CELF4: variants seen among roughly 807,000 people sequenced by gnomAD.
The protein encoded by CELF4 is CUGBP Elav-like family member 4.
A neutral mutation model predicts 59.9 loss-of-function variants in CELF4; 18 were observed. The ratio of observed to expected loss-of-function variants is 0.30; its 90% CI spans 0.21 to 0.45. The LOEUF is 0.45. CELF4 is among the 20% of genes least tolerant of loss of function. The pLI, the probability that CELF4 is intolerant of heterozygous loss-of-function variation, is 1.00. For missense variants in CELF4, 456 were observed against 689.0 expected (o/e 0.66, Z 3.79); for synonymous variants, 261 against 267.1 (o/e 0.98, Z 0.22).
intron 3 of CELF4, among the ~76,000 whole-genome samples, chr18:37,314,508 G>A (rs994019662): frequency 2.6e-5 from 4 of 152,100 alleles, no homozygotes; most frequent in South Asian, 2.1e-4. Context: ...AAAGATACAC[G>A]GGCATGGGCT....
intron 1 of CELF4, among the ~76,000 whole-genome samples, chr18:37,492,672 T>G (rs2099909938): frequency 6.6e-6 from 1 of 151,786 alleles, no homozygotes; most frequent in Non-Finnish European, 1.5e-5. Context: ...CCACTTCGAG[T>G]ACCCGGCTGG....
At chr18:37,483,280 T>G (rs2099873545) in intron 2 of CELF4, among the ~76,000 whole-genome samples, 1 of 152,264 alleles carries the variant, frequency 6.6e-6, no homozygotes, top group Non-Finnish European at 1.5e-5. Context: ...ATTTTGTGTT[T>G]CATTTGTCTG....
chr18:37,489,329 G>A lies in CELF4; in HGVS notation c.287-3722C>T, dbSNP rs564425425. Among the ~76,000 whole-genome samples the A allele has an allele frequency of 1.9e-4, 29 of 152,374 alleles. 1 individual carries two copies. The highest frequency in any genetic ancestry group is 6.7e-4 in the African/African-American group (28 of 41,592). Reference sequence around the variant, plus strand: ...CCTGGCTGAGGGCAGAGCCCTGGGGGCATGGTGACTGTGGGGAGGGGGCTG... The same window carrying A: ...CCTGGCTGAGGGCAGAGCCCTGGGGACATGGTGACTGTGGGGAGGGGGCTG... On this transcript the variant is annotated intron_variant, in intron 1 of 12. Transcript: ENST00000420428.
rs538953944 is a variant in CELF4, at chr18:37,565,249, G to A, written c.286+107C>T. On this transcript the variant is annotated intron_variant, in intron 1 of 12. Coordinates refer to ENST00000420428, the MANE Select transcript of CELF4 (RefSeq NM_020180.4). ...GCGCCTCCCTCCACCGCGCCCGCCC[G>A]AGGCTTCCTCTCGCTTAGTCCGCCG... 3.1e-5 allele frequency: 41 copies of A among 1,317,790 alleles called. No individual in the cohort carries two copies. The African/African-American group carries it at 4.5e-4, about 14-fold the overall frequency. 81.6% of individuals were successfully genotyped at this position (1,317,790 alleles called of 1,614,324 possible).
At chr18:37,313,098 G>A (rs946105713) in intron 3 of CELF4, among the ~76,000 whole-genome samples, 6 of 152,210 alleles carry the variant, frequency 3.9e-5, no homozygotes, top group Admixed American at 6.5e-5. Flanking sequence ...GTCACTGGAC[G>A]CCTTCTCTCT....
chr18:37,405,457 T>C (rs2099378137), intron 2 of CELF4, among the ~76,000 whole-genome samples: 1 of 152,246 alleles, frequency 6.6e-6, no homozygotes, highest in Non-Finnish European at 1.5e-5. Context: ...ACTTCCTGCC[T>C]CTACCCTTCC....
chr18:37,345,991 T>C (rs963104263), intron 2 of CELF4, among the ~76,000 whole-genome samples: 5 of 152,120 alleles, frequency 3.3e-5, no homozygotes, highest in Non-Finnish European at 5.9e-5. Context: ...GCAGGTTACA[T>C]ATACTTAATT....
At chr18:37,364,498 G>GGGCTCCA (rs1316702989) in intron 2 of CELF4, among the ~76,000 whole-genome samples, 2 of 152,142 alleles carry the variant, frequency 1.3e-5, no homozygotes, top group Non-Finnish European at 2.9e-5. Context: ...TCCAGCACTG[G>GGGCTCCA]GGCTCCAGGC....
intron 2 of CELF4, among the ~76,000 whole-genome samples, chr18:37,433,843 G>T (rs186520671): frequency 6.6e-6 from 1 of 152,366 alleles, no homozygotes; most frequent in African/African-American, 2.4e-5. Context: ...TGGAGCCTGG[G>T]AAGATGGCTT....
Position 37,565,592 on chromosome 18 carries a change from C to A in CELF4, c.50G>T (p.Ser17Ile). 6.2e-7 allele frequency: 1 copy of A among 1,611,158 alleles called. No homozygotes were observed. The highest frequency in any genetic ancestry group is 8.5e-7 in the Non-Finnish European group (1 of 1,178,132). ...TLANGQADNASLSTNGLGSSP... is the reference protein window; with the variant it reads ...TLANGQADNAILSTNGLGSSP... ...GCTGCCGAGCCCGTTGGTACTGAGG[C>A]TTGCGTTGTCAGCCTGTCCGTTTGC... Residue 17 changes from serine to isoleucine, a missense_variant, in exon 1 of 13, where the codon AGC becomes ATC. Physicochemically the swap from Ser to Ile is moderately radical, Grantham distance 142. Transcript: ENST00000420428.
chr18:37,522,355 A>T (rs1723897287), intron 1 of CELF4, among the ~76,000 whole-genome samples: 1 of 152,118 alleles, frequency 6.6e-6, no homozygotes, highest in South Asian at 2.1e-4. Context: ...GACAGGGACC[A>T]TGCATCTCCC....
chr18:37,353,003 G>C (rs543467654), intron 2 of CELF4, among the ~76,000 whole-genome samples: 68 of 152,066 alleles, frequency 4.5e-4, no homozygotes, highest in South Asian at 8.3e-4. Context: ...GGGCAGATCA[G>C]GAAGTCAGGA....
chr18:37,270,908 G>A lies in CELF4; in HGVS notation c.959C>T (p.Thr320Ile). 3 of 1,607,812 alleles carry A rather than the reference G, an allele frequency of 1.9e-6. No homozygotes were observed. Among genetic ancestry groups the A allele is most frequent in the Non-Finnish European group, 2.5e-6 (3 of 1,176,876 alleles). The change falls in exon 8 of 13, where the codon ACC (threonine) becomes ATC (isoleucine). Residue 320 changes from threonine (T) to isoleucine (I), a missense_variant. Transcript: ENST00000420428. ...GGCTGGTGCAGTGATGCCCGGAGGG[G>A]TGCTGCCACCTGGTTCCAGGCATAC... is the stretch of plus-strand genomic sequence containing the variant. Reference protein sequence around the residue: ...APMTPTSGGSTPPGITAPAVP... With the variant: ...APMTPTSGGSIPPGITAPAVP...
chr18:37,511,903 C>T (rs2099944777), intron 1 of CELF4, among the ~76,000 whole-genome samples: 1 of 152,120 alleles, frequency 6.6e-6, no homozygotes, highest in Non-Finnish European at 1.5e-5. Flanking sequence ...ACTGTTACAG[C>T]CCCTCCGACC....
chr18:37,299,258 G>A (rs557089446), intron 3 of CELF4, among the ~76,000 whole-genome samples: 1 of 152,332 alleles, frequency 6.6e-6, no homozygotes, highest in Non-Finnish European at 1.5e-5. Flanking sequence ...GGGGGCTCCA[G>A]AAGGCAAGAC....
intron 3 of CELF4, among the ~76,000 whole-genome samples, chr18:37,308,798 T>C (rs1351963273): frequency 6.6e-6 from 1 of 152,166 alleles, no homozygotes; most frequent in Non-Finnish European, 1.5e-5. Context: ...ACCTCTAGAT[T>C]TCTGCAAAGC....
At chr18:37,537,311 G>A (rs1038769101) in intron 1 of CELF4, among the ~76,000 whole-genome samples, 3 of 152,066 alleles carry the variant, frequency 2.0e-5, no homozygotes, top group Non-Finnish European at 4.4e-5. Flanking sequence ...TTGGGAAATC[G>A]CACCCAGGCT....
intron 3 of CELF4, 99 bp from the exon 4 acceptor site, chr18:37,275,342 C>T (rs2092932889): frequency 6.9e-6 from 5 of 720,504 alleles, no homozygotes; most frequent in Non-Finnish European, 6.8e-6. Flanking sequence ...AGGGAGGAGC[C>T]GGGGAGGCGG....
At chr18:37,405,781 GT>G (rs1295787962) in intron 2 of CELF4, among the ~76,000 whole-genome samples, 5 of 152,156 alleles carry the variant, frequency 3.3e-5, no homozygotes, top group Admixed American at 2.6e-4. Flanking sequence ...GAGAGTGCCT[GT>G]GAGATATTAG....
Sources: allele counts gnomAD v4.1 joint callset (sites outside exome capture counted in the v4.1 genomes callset), GRCh38; gene constraint gnomAD v4.1.1; transcripts MANE v1.5; gene names NCBI Gene and HGNC (gene_info 2026-07-23, HGNC 2026-07-21).